NTNG1: variants seen among roughly 807,000 people sequenced by gnomAD.
NTNG1 encodes netrin G1.
In NTNG1, 16 loss-of-function variants were observed where a neutral mutation model predicts 54.0. The observed-to-expected ratio is 0.30, with a 90% confidence interval of 0.20 to 0.45. The LOEUF is 0.45. Among genes scored for constraint, NTNG1 ranks in the 20% least tolerant of loss-of-function variants. The pLI is 1.00. For missense variants in NTNG1, 530 were observed against 678.7 expected (o/e 0.78, Z 2.43); for synonymous variants, 255 against 263.1 (o/e 0.97, Z 0.30).
chr1:107,315,789 G>T (rs1667303779), intron 2 of NTNG1, among the ~76,000 whole-genome samples: 1 of 152,082 alleles, frequency 6.6e-6, no homozygotes, highest in Non-Finnish European at 1.5e-5. Context: ...ACCTGTAAAT[G>T]AACTTAGTCT....
At chr1:107,399,448 TA>T (rs1395236002) in intron 4 of NTNG1, among the ~76,000 whole-genome samples, 6 of 152,338 alleles carry the variant, frequency 3.9e-5, no homozygotes, top group Admixed American at 3.3e-4. Flanking sequence ...CTTGAATTGT[TA>T]CACAATATCT....
chr1:107,143,323 G>A (rs1187163402), intron 1 of NTNG1: 1 of 152,136 alleles, frequency 6.6e-6, no homozygotes, highest in Admixed American at 6.5e-5. Flanking sequence ...GCCTTTTTAG[G>A]AGGAGGCAAA....
At chr1:107,428,582 C>A (rs17465581) in intron 5 of NTNG1, among the ~76,000 whole-genome samples, 38,365 of 151,930 alleles carry the variant, frequency 0.25, 5,516 homozygotes, top group Non-Finnish European at 0.3. Context: ...CCAGAGGAGG[C>A]GACCCAGGGG....
chr1:107,157,658 T>C (rs1016089683), intron 2 of NTNG1, among the ~76,000 whole-genome samples: 46 of 152,114 alleles, frequency 3.0e-4, no homozygotes, highest in African/African-American at 1.0e-3. Context: ...TGGCATTTCA[T>C]TTTTTTTAAA....
intron 3 of NTNG1, among the ~76,000 whole-genome samples, chr1:107,364,759 A>G (rs914236261): frequency 2.6e-5 from 4 of 152,184 alleles, no homozygotes; most frequent in Admixed American, 2.0e-4. Context: ...CAATTATTCT[A>G]CCTTTACAGA....
chr1:107,327,160 T>C (rs1668006075), intron 3 of NTNG1, among the ~76,000 whole-genome samples: 1 of 152,074 alleles, frequency 6.6e-6, no homozygotes, highest in Non-Finnish European at 1.5e-5. Flanking sequence ...GCCCCTTCCA[T>C]AAGGTCTTCT....
chr1:107,213,786 G>T (rs1659756716), intron 2 of NTNG1, among the ~76,000 whole-genome samples: 1 of 152,096 alleles, frequency 6.6e-6, no homozygotes, highest in Non-Finnish European at 1.5e-5. Context: ...GTTAAAAAGA[G>T]TCCGCCTGTG....
At chr1:107,188,190 G>A (rs1570797014) in intron 2 of NTNG1, among the ~76,000 whole-genome samples, 1 of 151,986 alleles carries the variant, frequency 6.6e-6, no homozygotes, top group Non-Finnish European at 1.5e-5. Context: ...GATGTGAAGC[G>A]ACAATAGATC....
chr1:107,421,813 A>G (rs1232934392), intron 5 of NTNG1, among the ~76,000 whole-genome samples: 1 of 152,016 alleles, frequency 6.6e-6, no homozygotes, highest in East Asian at 1.9e-4. Context: ...TTTTTTCTTT[A>G]AATGTCCTGT....
At chr1:107,204,939 C>T (rs1557807310) in intron 2 of NTNG1, among the ~76,000 whole-genome samples, 1 of 152,100 alleles carries the variant, frequency 6.6e-6, no homozygotes, top group Non-Finnish European at 1.5e-5. Flanking sequence ...ATTGGAGTCA[C>T]TGAGCTAAAA....
At chr1:107,239,549 C>A (rs1661675188) in intron 2 of NTNG1, among the ~76,000 whole-genome samples, 1 of 152,192 alleles carries the variant, frequency 6.6e-6, no homozygotes, top group African/African-American at 2.4e-5. Context: ...GAGATTAAAT[C>A]CTATCATTCT....
At chr1:107,265,843 T>C (rs535848651) in intron 2 of NTNG1, among the ~76,000 whole-genome samples, 1 of 152,326 alleles carries the variant, frequency 6.6e-6, no homozygotes, top group African/African-American at 2.4e-5. Context: ...GTACTCTCTC[T>C]GGTGGTCTGG....
chr1:107,175,922 G>C (rs1656612065), intron 2 of NTNG1, among the ~76,000 whole-genome samples: 1 of 152,126 alleles, frequency 6.6e-6, no homozygotes, highest in African/African-American at 2.4e-5. Flanking sequence ...AGTAGTTTTA[G>C]TGTTGACAAG....
intron 2 of NTNG1, among the ~76,000 whole-genome samples, chr1:107,216,886 C>G (rs925047925): frequency 6.6e-6 from 1 of 152,074 alleles, no homozygotes; most frequent in East Asian, 1.9e-4. Flanking sequence ...ACCATGTTGG[C>G]CAGGATGGTC....
intron 2 of NTNG1, among the ~76,000 whole-genome samples, chr1:107,187,967 T>C (rs1255520744): frequency 6.6e-6 from 1 of 152,156 alleles, no homozygotes; most frequent in Non-Finnish European, 1.5e-5. Flanking sequence ...TTGAGAATGT[T>C]TGTTAGATGT....
intron 2 of NTNG1, among the ~76,000 whole-genome samples, chr1:107,197,423 A>G (rs1658424526): frequency 2.0e-5 from 3 of 151,936 alleles, no homozygotes; most frequent in Non-Finnish European, 4.4e-5. Flanking sequence ...AGATGAAGCA[A>G]TTTTTCAACA....
intron 5 of NTNG1, chr1:107,409,574 G>A (rs530768541): frequency 3.9e-5 from 6 of 152,158 alleles, no homozygotes; most frequent in Non-Finnish European, 7.4e-5. Flanking sequence ...GACCTGAAAG[G>A]ATGCTTCGTT....
chr1:107,315,422 C>A (rs1667280778), intron 2 of NTNG1, among the ~76,000 whole-genome samples: 1 of 152,168 alleles, frequency 6.6e-6, no homozygotes, highest in Non-Finnish European at 1.5e-5. Flanking sequence ...CCTCCCCTTA[C>A]AACACATCAG....
chr1:107,202,409 G>T (rs911618916), intron 2 of NTNG1, among the ~76,000 whole-genome samples: 2 of 151,812 alleles, frequency 1.3e-5, no homozygotes, highest in Admixed American at 6.6e-5. Context: ...ACTTTAAATG[G>T]TGCATAGCAT....
Sources: allele counts gnomAD v4.1 joint callset (sites outside exome capture counted in the v4.1 genomes callset), GRCh38; gene constraint gnomAD v4.1.1; transcripts MANE v1.5; gene names NCBI Gene and HGNC (gene_info 2026-07-23, HGNC 2026-07-21).